The following NTM variants were observed in gnomAD, a reference collection of about 807,000 sequenced individuals.
NTM encodes neurotrimin, also known as IgLON family member 2.
A neutral mutation model predicts 42.1 loss-of-function variants in NTM; 13 were observed. That is an observed-to-expected ratio of 0.31 (90% confidence interval 0.20 to 0.49). The LOEUF (loss-of-function observed/expected upper bound fraction) is 0.49, where lower values mean the gene tolerates loss of function less well. Ranked by LOEUF, NTM falls within the 20% of genes least tolerant of loss-of-function variation. The pLI, the probability that NTM is intolerant of heterozygous loss-of-function variation, is 0.99. For missense variants in NTM, 373 were observed against 452.8 expected, an observed-to-expected ratio of 0.82 and a Z score of 1.60; for synonymous variants, 187 against 179.2, an observed-to-expected ratio of 1.04 and a Z score of -0.35.
At chr11:131,614,361 C>T (rs1209612129) in intron 1 of NTM, among the ~76,000 whole-genome samples, 1 of 152,224 alleles carries the variant, frequency 6.6e-6, no homozygotes, top group Non-Finnish European at 1.5e-5. Context: ...TCCATGGAGA[C>T]CCACCCTGGC....
chr11:132,132,861 G>A (rs1274649192), intron 2 of NTM, among the ~76,000 whole-genome samples: 1 of 152,192 alleles, frequency 6.6e-6, no homozygotes, highest in Admixed American at 6.5e-5. Context: ...GCAAGCTGAG[G>A]TGATCGCAGG....
chr11:131,637,518 G>A (rs554930539), intron 1 of NTM, among the ~76,000 whole-genome samples: 10 of 151,396 alleles, frequency 6.6e-5, no homozygotes, highest in South Asian at 2.1e-4. Context: ...CTTTTAACAC[G>A]CCAGGTGCTC....
At chr11:132,108,715 A>G (rs2062749041) in intron 2 of NTM, among the ~76,000 whole-genome samples, 1 of 152,188 alleles carries the variant, frequency 6.6e-6, no homozygotes, top group Non-Finnish European at 1.5e-5. Flanking sequence ...TATTTTTATT[A>G]TTATTATACT....
Position 131,589,168 on chromosome 11 carries a change from TGTG to T in NTM, c.82+218281_82+218283del, listed in dbSNP as rs2059144170. Among the ~76,000 whole-genome samples the T allele has an allele frequency of 6.5e-5, 4 of 61,720 alleles. No homozygotes were observed. In the South Asian group the frequency reaches 2.2e-3, roughly 34 times the overall value. The allele number at this position is 61,720 out of a possible 152,430, so 40.5% of individuals were successfully genotyped here. On this transcript the variant is annotated intron_variant, in intron 1 of 8. Coordinates refer to ENST00000683400, the MANE Select transcript of NTM (RefSeq NM_001352005.2). The stretch of plus-strand genomic sequence containing the variant: ...CCATGCCACTCTTAACCTGGAAAAA[TGTG>T]TGTGTGTGTGTGTGTGTGTGTGTGT...
intron 4 of NTM, among the ~76,000 whole-genome samples, chr11:132,255,151 G>A (rs901380404): frequency 6.6e-6 from 1 of 152,224 alleles, no homozygotes; most frequent in East Asian, 1.9e-4. Flanking sequence ...CACAAGAAGT[G>A]TGTTTGCCAA....
intron 2 of NTM, among the ~76,000 whole-genome samples, chr11:131,992,203 T>G (rs1204009463): frequency 6.6e-6 from 1 of 152,240 alleles, no homozygotes; most frequent in African/African-American, 2.4e-5. Flanking sequence ...GATGATTAAC[T>G]TTCACTTACT....
intron 1 of NTM, among the ~76,000 whole-genome samples, chr11:131,516,448 G>A (rs1165000648): frequency 1.3e-5 from 2 of 152,062 alleles, no homozygotes; most frequent in African/African-American, 4.8e-5. Context: ...GCGCGATCTC[G>A]GCTCACGCAA....
At chr11:132,189,064 T>C (rs1002295073) in intron 3 of NTM, among the ~76,000 whole-genome samples, 2 of 152,210 alleles carry the variant, frequency 1.3e-5, no homozygotes, top group African/African-American at 4.8e-5. Context: ...CTGGAGTAAT[T>C]GTAAACATTT....
rs1331977547 is a variant in NTM, at chr11:131,939,916, G to A, written c.167+28268G>A. On this transcript the variant is annotated intron_variant, in intron 2 of 8. Transcript: ENST00000683400. ...TGAGGCAGTGACAGTGGATGTGTGA[G>A]GATAATAGAAAGTTTGATTTGAGGA... Among the ~76,000 whole-genome samples, 5 of 152,240 alleles carry A rather than the reference G, an allele frequency of 3.3e-5. No homozygotes were observed. The South Asian group carries it at 6.2e-4, about 19-fold the overall frequency.
chr11:132,121,968 G>T (rs1450424783), intron 2 of NTM, among the ~76,000 whole-genome samples: 1 of 152,198 alleles, frequency 6.6e-6, no homozygotes, highest in East Asian at 1.9e-4. Context: ...TCTGCAGACA[G>T]ATCTAATCAC....
At chr11:131,505,138 G>A (rs1325713601) in intron 1 of NTM, among the ~76,000 whole-genome samples, 1 of 151,984 alleles carries the variant, frequency 6.6e-6, no homozygotes, top group Non-Finnish European at 1.5e-5. Flanking sequence ...CTAAGAAATA[G>A]GGGTAATATT....
At chr11:131,847,849 A>G (rs1196287682) in intron 1 of NTM, among the ~76,000 whole-genome samples, 1 of 152,220 alleles carries the variant, frequency 6.6e-6, no homozygotes, top group African/African-American at 2.4e-5. Context: ...CCATCCCTCA[A>G]TATCATCCTC....
intron 1 of NTM, among the ~76,000 whole-genome samples, chr11:131,374,314 T>A (rs1024866510): frequency 1.3e-5 from 2 of 152,232 alleles, no homozygotes; most frequent in African/African-American, 2.4e-5. Flanking sequence ...GATGGCCGTC[T>A]GAGCATTCGC....
At chr11:131,428,900 A>T (rs1028554327) in intron 1 of NTM, among the ~76,000 whole-genome samples, 2 of 150,960 alleles carry the variant, frequency 1.3e-5, no homozygotes, top group African/African-American at 4.9e-5. Flanking sequence ...AAAAAAAAAA[A>T]AAAAATTAGC....
intron 2 of NTM, among the ~76,000 whole-genome samples, chr11:132,064,614 A>T (rs1299975336): frequency 6.6e-6 from 1 of 152,166 alleles, no homozygotes; most frequent in Non-Finnish European, 1.5e-5. Flanking sequence ...GGGATTTCGG[A>T]TGATTTAAAA....
At chr11:132,165,893 T>C (rs533760593) in intron 3 of NTM, among the ~76,000 whole-genome samples, 6 of 152,332 alleles carry the variant, frequency 3.9e-5, no homozygotes, top group Admixed American at 3.3e-4. Flanking sequence ...TTTAATTTAA[T>C]TTATTTGATA....
At chr11:132,069,162 G>C (rs2056986963) in intron 2 of NTM, among the ~76,000 whole-genome samples, 1 of 150,214 alleles carries the variant, frequency 6.7e-6, no homozygotes, top group Non-Finnish European at 1.5e-5. Flanking sequence ...GACCATCACA[G>C]GTTAGTTAAC....
intron 1 of NTM, among the ~76,000 whole-genome samples, chr11:131,879,583 C>G (rs969299923): frequency 2.0e-5 from 3 of 152,276 alleles, no homozygotes; most frequent in Admixed American, 6.5e-5. Flanking sequence ...TGCTCGTCAG[C>G]TTTGTAGCAC....
chr11:131,682,438 C>T (rs546310577), intron 1 of NTM, among the ~76,000 whole-genome samples: 2 of 152,290 alleles, frequency 1.3e-5, no homozygotes, highest in South Asian at 4.1e-4. Context: ...CTAACCCCAT[C>T]GGCTGCAGGG....
Sources: gnomAD v4.1 joint callset for allele counts (sites outside exome capture counted in the v4.1 genomes callset) on GRCh38, gnomAD v4.1.1 for gene constraint, MANE v1.5 for transcripts, NCBI Gene and HGNC (gene_info 2026-07-23, HGNC 2026-07-21) for gene names.